The following AK5 variants were observed in gnomAD, a reference collection of about 807,000 sequenced individuals.
AK5 encodes adenylate kinase 5.
A neutral mutation model predicts 69.5 loss-of-function variants in AK5; 27 were observed. The ratio of observed to expected loss-of-function variants is 0.39; its 90% CI spans 0.29 to 0.54. The LOEUF (loss-of-function observed/expected upper bound fraction) is 0.54. Ranked by LOEUF, AK5 falls within the 20% of genes least tolerant of loss-of-function variation. AK5 has a pLI of 0.71. For missense variants in AK5, 531 were observed against 700.4 expected (o/e 0.76, Z 2.73); for synonymous variants, 260 against 244.4 (o/e 1.06, Z -0.60).
intron 10 of AK5, among the ~76,000 whole-genome samples, chr1:77,489,573 G>T (rs1655844127): frequency 6.6e-6 from 1 of 152,186 alleles, no homozygotes; most frequent in African/African-American, 2.4e-5. Flanking sequence ...TTCACTTTCA[G>T]TGAAACAGAG....
At chr1:77,517,271 A>G (rs1003385381) in intron 10 of AK5, among the ~76,000 whole-genome samples, 1 of 152,136 alleles carries the variant, frequency 6.6e-6, no homozygotes, top group African/African-American at 2.4e-5. Flanking sequence ...TGGGGCTCCA[A>G]AGCCCCTCCG....
intron 5 of AK5, among the ~76,000 whole-genome samples, chr1:77,307,487 A>G (rs1659708781): frequency 1.3e-5 from 2 of 151,896 alleles, no homozygotes; most frequent in Non-Finnish European, 2.9e-5. Context: ...TCTTATTTCA[A>G]TTTTTTAATG....
rs530867170 is a variant in AK5 at position 77,310,679 on chromosome 1, C to A, written c.699+12732C>A. On this transcript the variant is annotated intron_variant, in intron 5 of 13. Coordinates refer to ENST00000354567, the MANE Select transcript of AK5 (RefSeq NM_174858.3). ...TACAGGCATGAGCCACCGCACCCGGCCCTATTCTTTTTTAAGTTAGGTATG... is the reference window on the plus strand; with the variant it reads ...TACAGGCATGAGCCACCGCACCCGGACCTATTCTTTTTTAAGTTAGGTATG... Among the ~76,000 whole-genome samples the A allele has an allele frequency of 2.0e-4, 30 of 152,204 alleles. 1 individual carries two copies. The highest frequency in any genetic ancestry group is 5.8e-4 in the African/African-American group (24 of 41,496).
chr1:77,467,830 C>A (rs533550952), intron 8 of AK5, among the ~76,000 whole-genome samples: 35 of 152,302 alleles, frequency 2.3e-4, no homozygotes, highest in Non-Finnish European at 4.6e-4. Context: ...CAGCCCTGTC[C>A]TCTCTCAAGG....
At chr1:77,357,992 A>AGTGTGTGTGTGTGTGTGT (rs10643921) in intron 6 of AK5, among the ~76,000 whole-genome samples, 2,262 of 121,016 alleles carry the variant, frequency 0.019, 28 homozygotes, top group South Asian at 0.047. Context: ...TATGGAGAGT[A>AGTGTGTGTGTGTGTGTGT]GTGTGTGTGT....
chr1:77,468,062 G>A (rs1654251418), intron 8 of AK5, among the ~76,000 whole-genome samples: 1 of 152,216 alleles, frequency 6.6e-6, no homozygotes, highest in African/African-American at 2.4e-5. Flanking sequence ...GGTCTTAGAG[G>A]ACTGGCCTGA....
chr1:77,507,105 G>A (rs145414218), intron 10 of AK5, among the ~76,000 whole-genome samples: 1 of 152,346 alleles, frequency 6.6e-6, no homozygotes, highest in African/African-American at 2.4e-5. Context: ...TAGATAAACA[G>A]TGACATGGCC....
Position 77,409,267 on chromosome 1 carries a change from A to G in AK5, c.892-1714A>G, listed in dbSNP as rs138057445. Among the ~76,000 whole-genome samples the G allele has an allele frequency of 9.6e-4, 146 of 152,324 alleles. 1 individual carries two copies. Among genetic ancestry groups the G allele is most frequent in the South Asian group, 7.1e-3 (34 of 4,822 alleles). On this transcript the variant is annotated intron_variant, in intron 6 of 13. Coordinates refer to ENST00000354567, the MANE Select transcript of AK5 (RefSeq NM_174858.3). The stretch of plus-strand genomic sequence containing the variant: ...ATGGGAGAATGGTTTATACTCCGCC[A>G]GGTATATGCCCAGTAATGGGGTTGC...
chr1:77,321,430 C>G (rs1660525327), intron 5 of AK5, among the ~76,000 whole-genome samples: 1 of 151,884 alleles, frequency 6.6e-6, no homozygotes, highest in African/African-American at 2.4e-5. Flanking sequence ...GGTCTCGCCA[C>G]TGCACTGCAG....
At chr1:77,301,571 C>G (rs1659343692) in intron 5 of AK5, among the ~76,000 whole-genome samples, 1 of 152,196 alleles carries the variant, frequency 6.6e-6, no homozygotes. Context: ...ATACAATGTA[C>G]TCACTCACTC....
In AK5 at chr1:77,504,877, T is replaced by C. The variant is rs1171081750; in HGVS notation, c.1148-13687T>C. Among the ~76,000 whole-genome samples, 13 of 152,242 alleles carry C rather than the reference T, an allele frequency of 8.5e-5. No individual in the cohort carries two copies. In the East Asian group the frequency reaches 2.3e-3, roughly 27 times the overall value. On this transcript the variant is annotated intron_variant, in intron 10 of 13. Transcript: ENST00000354567. The stretch of plus-strand genomic sequence containing the variant: ...ACTGCATCCTATTCCTTTATTTTGC[T>C]GTAATAGAATTTATTCAGTTTATAC...
At chr1:77,550,557 C>T (rs1177753224) in intron 13 of AK5, among the ~76,000 whole-genome samples, 1 of 152,188 alleles carries the variant, frequency 6.6e-6, no homozygotes, top group Non-Finnish European at 1.5e-5. Flanking sequence ...TCTCTGTTTG[C>T]TAAGGACATT....
intron 10 of AK5, among the ~76,000 whole-genome samples, chr1:77,489,137 T>C (rs2100733408): frequency 6.6e-6 from 1 of 152,334 alleles, no homozygotes; most frequent in East Asian, 1.9e-4. Context: ...AGACCTCACC[T>C]GTTACTAAGT....
chr1:77,300,443 TG>T (rs1209843736), intron 5 of AK5, among the ~76,000 whole-genome samples: 1 of 152,220 alleles, frequency 6.6e-6, no homozygotes, highest in East Asian at 1.9e-4. Context: ...ATGTCATCTT[TG>T]CTCATCCTGC....
chr1:77,499,870 A>ATTTT (rs1178365313), intron 10 of AK5, among the ~76,000 whole-genome samples: 1 of 50,452 alleles, frequency 2.0e-5, no homozygotes, highest in African/African-American at 1.1e-4. Flanking sequence ...CCCTTTTTCC[A>ATTTT]TTTTTTTTTT....
intron 11 of AK5, among the ~76,000 whole-genome samples, chr1:77,521,028 G>T (rs551129868): frequency 6.6e-6 from 1 of 152,194 alleles, no homozygotes; most frequent in East Asian, 1.9e-4. Flanking sequence ...TTTCAACAAA[G>T]AAAGTGATGT....
At position 77,499,869 on chromosome 1, in the gene AK5, C is replaced by CTTTTT. The variant is rs749712310; in HGVS notation, c.1147+13517_1147+13518insTTTTT. ...GATGACAGAGACCATGCCCTTTTTC[C>CTTTTT]ATTTTTTTTTTTTTTTTTTTTTTTT... On this transcript the variant is annotated intron_variant, in intron 10 of 13. Coordinates refer to ENST00000354567, the MANE Select transcript of AK5 (RefSeq NM_174858.3). Among the ~76,000 whole-genome samples the CTTTTT allele has an allele frequency of 2.9e-3, 229 of 78,776 alleles. 38 individuals are homozygous for CTTTTT. The highest frequency in any genetic ancestry group is 0.013 in the Middle Eastern group (1 of 78). 51.7% of individuals were successfully genotyped at this position (78,776 alleles called of 152,430 possible).
chr1:77,501,589 G>A (rs1191119809), intron 10 of AK5, among the ~76,000 whole-genome samples: 1 of 152,176 alleles, frequency 6.6e-6, no homozygotes, highest in Admixed American at 6.5e-5. Flanking sequence ...GCATAGAAAA[G>A]ACACAGTAAA....
intron 8 of AK5, among the ~76,000 whole-genome samples, chr1:77,481,089 CGGTGGCTG>C (rs1459574659): frequency 6.6e-6 from 1 of 152,176 alleles, no homozygotes; most frequent in East Asian, 1.9e-4. Flanking sequence ...AGCAGCAGTT[CGGTGGCTG>C]GGTGCCTGGC....
Sources: gnomAD v4.1 joint callset for allele counts (sites outside exome capture counted in the v4.1 genomes callset) on GRCh38, gnomAD v4.1.1 for gene constraint, MANE v1.5 for transcripts, NCBI Gene and HGNC (gene_info 2026-07-23, HGNC 2026-07-21) for gene names.